Variants in PCF11 observed in about 807,000 individuals in gnomAD.
The protein encoded by PCF11 is PCF11 cleavage and polyadenylation factor subunit, also known as pre-mRNA cleavage complex 2 protein Pcf11.
In PCF11, 19 loss-of-function variants were observed where a neutral mutation model predicts 166.1. The observed-to-expected ratio is 0.11, with a 90% CI of 0.08 to 0.17. The LOEUF (loss-of-function observed/expected upper bound fraction) is 0.17. Ranked by LOEUF, PCF11 falls within the 10% of genes least tolerant of loss-of-function variation. The pLI, the probability that PCF11 is intolerant of heterozygous loss-of-function variation, is 1.00. For missense variants in PCF11, 1,565 were observed against 1,855.5 expected (o/e 0.84, Z 2.88); for synonymous variants, 663 against 644.1 (o/e 1.03, Z -0.44).
chr11:83,178,697 C>T (rs1475172307), intron 11 of PCF11, among the ~76,000 whole-genome samples: 4 of 151,702 alleles, frequency 2.6e-5, no homozygotes, highest in African/African-American at 9.7e-5. Flanking sequence ...CCTGTAGTCC[C>T]AGCTACTCGG....
chr11:83,179,881 G>A (rs1255346603), intron 11 of PCF11, among the ~76,000 whole-genome samples: 1 of 152,016 alleles, frequency 6.6e-6, no homozygotes, highest in Non-Finnish European at 1.5e-5. Context: ...TCGGGCCACT[G>A]CACTGCATCC....
At chr11:83,175,471 G>A (rs761715175) in intron 9 of PCF11, among the ~76,000 whole-genome samples, 12 of 152,152 alleles carry the variant, frequency 7.9e-5, no homozygotes, top group Non-Finnish European at 1.3e-4. Context: ...CACAATTATG[G>A]CCGGGCACTG....
chr11:83,184,465 C>T (rs765023105), intron 15 of PCF11: 1 of 494,512 alleles, frequency 2.0e-6, no homozygotes, highest in Non-Finnish European at 3.5e-6. Flanking sequence ...TAGCTGTTAA[C>T]TGCTTAACTC....
chr11:83,167,948 G>A lies in PCF11; in HGVS notation c.2092+443G>A. The A allele has an allele frequency of 8.1e-7, 1 of 1,232,198 alleles. No homozygotes were observed. Among genetic ancestry groups the A allele is most frequent in the Non-Finnish European group, 1.0e-6 (1 of 960,684 alleles). 76.3% of individuals were successfully genotyped at this position (1,232,198 alleles called of 1,614,324 possible). A position where few individuals can be genotyped will look rare whatever the true frequency, so the allele number is the denominator to read the frequency against. ...GCCTATTGAATCACACAGCAGTGAA[G>A]GGAAAATGAACAAGCTAAGTGGGGA... is the stretch of plus-strand genomic sequence containing the variant. On this transcript the variant is annotated intron_variant, in intron 7 of 15. Transcript: ENST00000298281. The surrounding 1 kb of genome is among the most constrained non-coding windows in gnomAD (Gnocchi z 4.2).
exon 16 of PCF11, chr11:83,184,717 A>C (rs1290219490): frequency 1.2e-6 from 2 of 1,612,586 alleles, no homozygotes; most frequent in Non-Finnish European, 1.7e-6. Flanking sequence ...CCAGCAAGAC[A>C]CCAGTTGAAA....
exon 16 of PCF11, chr11:83,184,931 A>G (rs1467197258): frequency 2.1e-6 from 3 of 1,414,640 alleles, no homozygotes; most frequent in Admixed American, 2.8e-5. Context: ...TTTTTAAAAA[A>G]GCTGCTGTTG....
At chr11:83,184,437 G>C (rs1039505740) in intron 15 of PCF11, 3 of 420,666 alleles carry the variant, frequency 7.1e-6, no homozygotes, top group Non-Finnish European at 1.3e-5. Context: ...TTTTTTGGCT[G>C]TATAATGTCC....
intron 1 of PCF11, among the ~76,000 whole-genome samples, chr11:83,160,425 A>T (rs1401555919): frequency 6.7e-6 from 1 of 148,714 alleles, no homozygotes; most frequent in Non-Finnish European, 1.5e-5. Context: ...ATGCTCCTCA[A>T]CAAGTCTGTG....
exon 16 of PCF11, chr11:83,186,232 A>T (rs1427729853): frequency 6.6e-6 from 1 of 152,244 alleles, no homozygotes. Flanking sequence ...AAGATTCTAC[A>T]AAAGTGGTGA....
exon 1 of PCF11, chr11:83,157,144 G>C: frequency 1.8e-6 from 1 of 564,278 alleles, no homozygotes; most frequent in East Asian, 2.9e-5. Flanking sequence ...CGACGCAGCG[G>C]TTGGGAACAC....
chr11:83,160,093 T>G (rs570838446), intron 1 of PCF11, among the ~76,000 whole-genome samples: 114 of 152,316 alleles, frequency 7.5e-4, no homozygotes, highest in African/African-American at 2.6e-3. Flanking sequence ...AAAGAAATTT[T>G]TCATACAAAG....
chr11:83,168,866 G>A, exon 8 of PCF11: 1 of 1,613,778 alleles, frequency 6.2e-7, no homozygotes, highest in Non-Finnish European at 8.5e-7. Flanking sequence ...GCAGGAGGAG[G>A]TGGTTTTCGG....
Position 83,165,311 on chromosome 11 carries a change from A to G in PCF11, c.703-289A>G, listed in dbSNP as rs149279149. Among the ~76,000 whole-genome samples the G allele has an allele frequency of 8.3e-3, 1,267 of 152,300 alleles. 13 individuals carry two copies. Among genetic ancestry groups the G allele is most frequent in the African/African-American group, 0.029 (1,209 of 41,560 alleles). The stretch of plus-strand genomic sequence containing the variant: ...GATTTAGCAATTTCTTAGGAGCAGT[A>G]TGGCTCAGAATCCTGAACAATAAGG... On this transcript the variant is annotated intron_variant, in intron 4 of 15. Transcript: ENST00000298281.
chr11:83,175,615 T>C (rs1281131629), intron 9 of PCF11, among the ~76,000 whole-genome samples: 2 of 152,046 alleles, frequency 1.3e-5, no homozygotes, highest in African/African-American at 2.4e-5. Context: ...ATTAGCTGGG[T>C]GTGGTGGCAC....
At position 83,162,869 on chromosome 11, in the gene PCF11, G is replaced by T. The variant is rs528182493; in HGVS notation, c.319-810G>T. Among the ~76,000 whole-genome samples, 39 of 152,244 alleles carry T rather than the reference G, an allele frequency of 2.6e-4. 1 individual carries two copies. In the South Asian group the frequency reaches 8.1e-3, roughly 32 times the overall value. On this transcript the variant is annotated intron_variant, in intron 2 of 15. Coordinates refer to ENST00000298281, the Ensembl canonical transcript of PCF11. The stretch of plus-strand genomic sequence containing the variant: ...GGCTCACTGCAACCTCCGCCTCCCG[G>T]ATTCAAGTGATTCTCCTGCCTCAGC...
chr11:83,167,169 A>G lies in PCF11; in HGVS notation c.1862A>G (p.His621Arg). ...CATAGTAAACCTCCTCATCTGAGGCATAGGGAGAGCTGGTCAAGCACTAAA... is the reference window on the plus strand; with the variant it reads ...CATAGTAAACCTCCTCATCTGAGGCGTAGGGAGAGCTGGTCAAGCACTAAA... Residue 621 changes from histidine (H) to arginine (R), a missense_variant, in exon 6 of 16, where the codon CAT (histidine) becomes CGT (arginine). Physicochemically the swap from His to Arg is conservative, Grantham distance 29. Transcript: ENST00000298281. This position sits in a 1 kb window ranked among gnomAD's most constrained non-coding sequence, Gnocchi z 4.2. The G allele has an allele frequency of 6.2e-7, 1 of 1,613,662 alleles. No homozygotes were observed. Among genetic ancestry groups the G allele is most frequent in the Non-Finnish European group, 8.5e-7 (1 of 1,179,626 alleles).
At chr11:83,157,178 C>T (rs988058737) in exon 1 of PCF11, 14 of 575,156 alleles carry the variant, frequency 2.4e-5, no homozygotes, top group African/African-American at 2.2e-4. Context: ...GCTGGAGCCG[C>T]CACTGCCGCC....
intron 1 of PCF11, 105 bp downstream of exon 1, chr11:83,157,736 C>T (rs1207406259): frequency 2.1e-5 from 22 of 1,048,974 alleles, no homozygotes; most frequent in African/African-American, 3.1e-5. Context: ...AGTGTTCCTT[C>T]TCTCCAACCC....
chr11:83,183,934 C>G (rs1448107865), intron 15 of PCF11: 1 of 151,558 alleles, frequency 6.6e-6, no homozygotes, highest in South Asian at 2.1e-4. Flanking sequence ...AGTGGATCAC[C>G]TGAGGTCAGG....
Sources: allele counts gnomAD v4.1 joint callset (sites outside exome capture counted in the v4.1 genomes callset), GRCh38; gene constraint gnomAD v4.1.1; non-coding constraint Gnocchi (gnomAD v3.1); transcripts MANE v1.5; gene names NCBI Gene and HGNC (gene_info 2026-07-23, HGNC 2026-07-21).